The following CTU2 variants were observed in gnomAD, a reference collection of about 807,000 sequenced individuals.
The protein encoded by CTU2 is cytosolic thiouridylase subunit 2.
In CTU2, 80 loss-of-function variants were observed where a neutral mutation model predicts 64.1. That is an observed-to-expected ratio of 1.25 (90% CI 1.04 to 1.50). The LOEUF is 1.50. Ranked by LOEUF, CTU2 falls within the 40% of genes most tolerant of loss-of-function variation. The pLI is 0.00. For synonymous variants in CTU2, 482 were observed against 285.3 expected (o/e 1.69, Z -6.95); for missense variants, 1,110 against 690.2 (o/e 1.61, Z -6.81).
chr16:88,711,589 T>C (rs530812900), intron 4 of CTU2, 46 bp from the exon 5 acceptor site: 3 of 1,544,750 alleles, frequency 1.9e-6, no homozygotes, highest in African/African-American at 1.4e-5. Flanking sequence ...AAAAGTGTCC[T>C]GTGGCTTATG....
In CTU2 at chr16:88,715,328, G is replaced by C; in HGVS notation, c.*77G>C. On this transcript the variant is annotated 3_prime_UTR_variant, in exon 15 of 15. Coordinates refer to ENST00000453996, the MANE Select transcript of CTU2 (RefSeq NM_001012759.3). ...CACTGGAGCCGGAAGGCAAGGACGGGGGACTGGCCTCTGATTGTCCATTTG... is the reference window on the plus strand; with the variant it reads ...CACTGGAGCCGGAAGGCAAGGACGGCGGACTGGCCTCTGATTGTCCATTTG... 7.0e-7 allele frequency: 1 copy of C among 1,438,818 alleles called. No individual in the cohort carries two copies. Among genetic ancestry groups the C allele is most frequent in the Admixed American group, 2.0e-5 (1 of 49,562 alleles). The allele number at this position is 1,438,818 out of a possible 1,614,324, so 89.1% of individuals were successfully genotyped here. A position where few individuals can be genotyped will look rare whatever the true frequency, so the allele number is the denominator to read the frequency against.
rs1911695493 is a variant in CTU2 at position 88,714,403 on chromosome 16, A to G, written c.1118A>G (p.Lys373Arg). 1.2e-6 allele frequency: 2 copies of G among 1,612,502 alleles called. No individual in the cohort carries two copies. The highest frequency in any genetic ancestry group is 1.7e-6 in the Non-Finnish European group (2 of 1,179,820). Reference sequence around the variant, plus strand: ...CACAGGACAAGTGAGAAGCTGGTGAAGGGCCCCCGGGATGGCCCTGCTGCT... The same window carrying G: ...CACAGGACAAGTGAGAAGCTGGTGAGGGGCCCCCGGGATGGCCCTGCTGCT... ...TVYRTSEKLV[K>R]GPRDGPAAGD... is the part of the protein sequence containing the mutation. Residue 373 changes from lysine (K) to arginine (R), a missense_variant, in exon 11 of 15, where the codon AAG becomes AGG. Transcript: ENST00000453996.
chr16:88,712,710 T>C lies in CTU2; in HGVS notation c.542T>C (p.Phe181Ser), dbSNP rs768169966. 1 of 1,610,060 alleles carries C rather than the reference T, an allele frequency of 6.2e-7. No homozygotes were observed. The change falls in exon 7 of 15, where the codon TTC becomes TCC. Residue 181 changes from phenylalanine (F) to serine (S), a missense_variant. Coordinates refer to ENST00000453996, the MANE Select transcript of CTU2 (RefSeq NM_001012759.3). ...EGAYKAAVDS[F>S]LQQQHVLGAG... ...GCCTACAAGGCGGCCGTGGACAGCT[T>C]CCTCCAGCAGCAGCATGTGCTGGGG...
At position 88,712,332 on chromosome 16, in the gene CTU2, G is replaced by GCC. The variant is rs1360050978; in HGVS notation, c.404_405dup (p.Ile136ProfsTer15). On this transcript the variant is annotated frameshift_variant, in exon 6 of 15. Transcript: ENST00000453996. LOFTEE classifies it high-confidence loss of function. The stretch of plus-strand genomic sequence containing the variant: ...GATCAAAGACCCTGGCCGAAGTGAA[G>GCC]CCCATTCTGCAAGCAACTGGGTTCC... 1.2e-6 allele frequency: 2 copies of GCC among 1,610,660 alleles called. No homozygotes were observed. The highest frequency in any genetic ancestry group is 3.4e-5 in the Admixed American group (2 of 59,638).
In CTU2 at chr16:88,715,354, T is replaced by C. The variant is rs1332867825; in HGVS notation, c.*103T>C. 4.8e-6 allele frequency: 6 copies of C among 1,255,542 alleles called. No individual in the cohort carries two copies. The Admixed American group carries it at 1.3e-4, about 28-fold the overall frequency. 77.8% of individuals were successfully genotyped at this position (1,255,542 alleles called of 1,614,324 possible). On this transcript the variant is annotated 3_prime_UTR_variant, in exon 15 of 15. Coordinates refer to ENST00000453996, the MANE Select transcript of CTU2 (RefSeq NM_001012759.3). ...GGACTGGCCTCTGATTGTCCATTTGTATAAATAAAACATTTTTTAATTAAA... is the reference window on the plus strand; with the variant it reads ...GGACTGGCCTCTGATTGTCCATTTGCATAAATAAAACATTTTTTAATTAAA...
In CTU2 at chr16:88,714,152, G is replaced by C; in HGVS notation, c.1022G>C (p.Ser341Thr). ...TGTCCCTAGGCCCCTGAAAAGGCCA[G>C]CATCCACCGGCTGATGGAGGCCTTC... The part of the protein sequence containing the change: ...AVDTKAPEKA[S>T]IHRLMEAFIL... The change falls in exon 10 of 15, where the codon AGC becomes ACC. Residue 341 changes from serine to threonine, a missense_variant. Coordinates refer to ENST00000453996, the MANE Select transcript of CTU2 (RefSeq NM_001012759.3). 2 of 1,612,728 alleles carry C rather than the reference G, an allele frequency of 1.2e-6. No individual in the cohort carries two copies. The highest frequency in any genetic ancestry group is 1.7e-6 in the Non-Finnish European group (2 of 1,179,890).
At chr16:88,709,905 A>G (rs1039156028) in intron 2 of CTU2, 33 bp from the exon 3 acceptor site, 2 of 1,597,672 alleles carry the variant, frequency 1.3e-6, no homozygotes, top group African/African-American at 2.7e-5. Context: ...TGCGGGTAGC[A>G]GGCGGTTCCC....
At chr16:88,714,022 C>G (rs917856975) in intron 9 of CTU2, 114 bp from the exon 10 acceptor site, 2 of 1,160,772 alleles carry the variant, frequency 1.7e-6, no homozygotes, top group East Asian at 2.4e-5. Flanking sequence ...CGCAGCAAAG[C>G]CAGACCCATG....
Position 88,706,520 on chromosome 16 carries a change from C to T in CTU2, c.-11C>T, listed in dbSNP as rs880234. On this transcript the variant is annotated 5_prime_UTR_variant, in exon 1 of 15. Coordinates refer to ENST00000453996, the MANE Select transcript of CTU2 (RefSeq NM_001012759.3). ...TCGCCGCCACAGTCTGCGACGGGAC[C>T]CGGCGTGCCCATGTGTCAGGTGGGC... is the stretch of plus-strand genomic sequence containing the variant. 155,202 of 1,430,886 alleles carry T rather than the reference C, an allele frequency of 0.11. 8,972 individuals are homozygous for T. Among genetic ancestry groups the T allele is most frequent in the Middle Eastern group, 0.15 (617 of 4,144 alleles). 88.6% of individuals were successfully genotyped at this position (1,430,886 alleles called of 1,614,324 possible). A position where few individuals can be genotyped will look rare whatever the true frequency, so the allele number is the denominator to read the frequency against.
intron 7 of CTU2, 75 bp from the exon 8 acceptor site, chr16:88,713,237 C>A: frequency 2.1e-6 from 2 of 963,918 alleles, no homozygotes; most frequent in East Asian, 3.1e-5. Flanking sequence ...CGGGCCCTGA[C>A]CCCCACTCAT....
chr16:88,707,816 T>TTTTG (rs1344028214), intron 2 of CTU2, among the ~76,000 whole-genome samples: 2 of 150,322 alleles, frequency 1.3e-5, no homozygotes, highest in East Asian at 3.9e-4. Context: ...GTTGTTGTTT[T>TTTTG]TTTTGAGATG....
At chr16:88,713,583 CAG>C in intron 8 of CTU2, 62 bp from the exon 9 acceptor site, 2 of 1,578,660 alleles carry the variant, frequency 1.3e-6, no homozygotes, top group South Asian at 1.1e-5. Flanking sequence ...CCCTACCTGG[CAG>C]GGGAGGAGGG....
In CTU2 at chr16:88,714,483, G is replaced by A. The variant is rs993333216; in HGVS notation, c.1198G>A (p.Ala400Thr). Reference sequence around the variant, plus strand: ...CATGTGTGCCCTGGACGTCGACGCCGCTGGTCTGTGTTTCATGCTCTTGGG... The same window carrying A: ...CATGTGTGCCCTGGACGTCGACGCCACTGGTCTGTGTTTCATGCTCTTGGG... The part of the protein sequence containing the change: ...LCMCALDVDA[A>T]DSATAFGAQT... The change falls in exon 11 of 15, where the codon GCT (alanine) becomes ACT (threonine). Residue 400 changes from alanine (A) to threonine (T), a missense_variant. Physicochemically the swap from Ala to Thr is moderately conservative, Grantham distance 58. Transcript: ENST00000453996. 3.8e-5 allele frequency: 62 copies of A among 1,612,620 alleles called. No homozygotes were observed. The highest frequency in any genetic ancestry group is 8.9e-5 in the East Asian group (4 of 44,870).
chr16:88,707,741 G>A (rs140453317), intron 2 of CTU2, among the ~76,000 whole-genome samples: 1 of 152,268 alleles, frequency 6.6e-6, no homozygotes, highest in Non-Finnish European at 1.5e-5. Flanking sequence ...CCTGAAGGGA[G>A]GACCAGGTCT....
rs1567648672 is a variant in CTU2, at chr16:88,712,259, GC to G, written c.344-13del. On this transcript the variant is annotated splice_polypyrimidine_tract_variant and intron_variant, in intron 5 of 14. Coordinates refer to ENST00000453996, the MANE Select transcript of CTU2 (RefSeq NM_001012759.3). ...TCCTCTCTGAGCCCTGACTCTTTCTGCCTGGGTTTTTCAGAGGGAGCAGCCT... is the reference window on the plus strand; with the variant it reads ...TCCTCTCTGAGCCCTGACTCTTTCTGCTGGGTTTTTCAGAGGGAGCAGCCT... The G allele has an allele frequency of 1.3e-6, 2 of 1,582,576 alleles. No individual in the cohort carries two copies. The highest frequency in any genetic ancestry group is 2.3e-5 in the South Asian group (2 of 86,982).
chr16:88,714,855 C>T lies in CTU2; in HGVS notation c.1353-5C>T, dbSNP rs200806660. On this transcript the variant is annotated splice_region_variant and splice_polypyrimidine_tract_variant and intron_variant, in intron 12 of 14. Coordinates refer to ENST00000453996, the MANE Select transcript of CTU2 (RefSeq NM_001012759.3). ...GTGGGCACACAGCCAGCTCTGCTCC[C>T]GCAGGGAGGACCCCCAAGCCTGCAT... The T allele has an allele frequency of 1.9e-4, 310 of 1,612,592 alleles. No homozygotes were observed. The highest frequency in any genetic ancestry group is 2.2e-4 in the Non-Finnish European group (265 of 1,179,876).
chr16:88,707,789 G>C (rs921172578), intron 2 of CTU2, among the ~76,000 whole-genome samples: 1 of 122,172 alleles, frequency 8.2e-6, no homozygotes, highest in African/African-American at 3.1e-5. Flanking sequence ...GTGGTGGTGC[G>C]TGGTTTTTTT....
At chr16:88,706,852 A>G in intron 1 of CTU2, 1 of 557,938 alleles carries the variant, frequency 1.8e-6, no homozygotes. Flanking sequence ...ATTCGGAGAG[A>G]ACTGGTGCCG....
At chr16:88,708,015 T>C (rs546715107) in intron 2 of CTU2, among the ~76,000 whole-genome samples, 1 of 152,270 alleles carries the variant, frequency 6.6e-6, no homozygotes, top group South Asian at 2.1e-4. Flanking sequence ...GGTTTCACCA[T>C]GTTGGCCAGG....
Sources: gnomAD v4.1 joint callset for allele counts (sites outside exome capture counted in the v4.1 genomes callset) on GRCh38, gnomAD v4.1.1 for gene constraint, MANE v1.5 for transcripts, NCBI Gene and HGNC (gene_info 2026-07-23, HGNC 2026-07-21) for gene names.